The following ZNF749 variants were observed in gnomAD, a reference collection of about 807,000 sequenced individuals.
ZNF749 encodes zinc finger protein 749.
ZNF749 carries 8 observed loss-of-function variants against 7.3 expected under a neutral mutation model. That is an observed-to-expected ratio of 1.10 (90% CI 0.64 to 1.98). The LOEUF (loss-of-function observed/expected upper bound fraction) is 1.98, where lower values mean the gene tolerates loss of function less well. Ranked by LOEUF, ZNF749 falls within the 30% of genes most tolerant of loss-of-function variation. The probability of loss-of-function intolerance (pLI) is 0.00; values close to 1 mark genes in which losing one functional copy is unlikely to be tolerated. For synonymous variants in ZNF749, 310 were observed against 322.4 expected (o/e 0.96, Z 0.41); for missense variants, 898 against 932.4 (o/e 0.96, Z 0.48).
At chr19:57,438,725 T>A (rs2088959012) in intron 1 of ZNF749, among the ~76,000 whole-genome samples, 1 of 152,140 alleles carries the variant, frequency 6.6e-6, no homozygotes, top group South Asian at 2.1e-4. Flanking sequence ...TAGGGAAAGG[T>A]GGTGTCCTGA....
intron 1 of ZNF749, among the ~76,000 whole-genome samples, chr19:57,441,305 A>G (rs2088986682): frequency 6.6e-6 from 1 of 152,008 alleles, no homozygotes. Flanking sequence ...GAGGCTAAGC[A>G]GGGGATGGAT....
chr19:57,443,211 T>C (rs2089010771), intron 2 of ZNF749, 80 bp from the exon 3 acceptor site: 4 of 1,230,672 alleles, frequency 3.3e-6, no homozygotes. Flanking sequence ...TTTGTGGGTG[T>C]GTCTCACAGA....
intron 1 of ZNF749, among the ~76,000 whole-genome samples, chr19:57,440,982 C>T (rs563506555): frequency 8.6e-5 from 13 of 151,852 alleles, no homozygotes; most frequent in East Asian, 3.9e-4. Flanking sequence ...AAAAATTAGC[C>T]GGGAGTGGTG....
At position 57,445,233 on chromosome 19, in the gene ZNF749, T is replaced by C; in HGVS notation, c.2085T>C (p.Pro695=). The C allele has an allele frequency of 6.2e-7, 1 of 1,614,046 alleles. No homozygotes were observed. Among genetic ancestry groups the C allele is most frequent in the Middle Eastern group, 1.6e-4 (1 of 6,062 alleles). ...ATAAAGTTTGCACTGGGGAGAAGCC[T>C]CATGAGTGCAGTAAATGTAGGGAAT... ...KHHKVCTGEK[P]HECSKCRELF... Residue 695 remains proline (P), a synonymous_variant, in exon 3 of 3, where the codon CCT becomes CCC. Transcript: ENST00000334181.
At chr19:57,441,052 G>A (rs540735167) in intron 1 of ZNF749, among the ~76,000 whole-genome samples, 14 of 150,194 alleles carry the variant, frequency 9.3e-5, no homozygotes, top group Non-Finnish European at 1.8e-4. Flanking sequence ...CTTGAACCTG[G>A]GAGGCAGAAG....
At chr19:57,438,099 C>T (rs754673313) in intron 1 of ZNF749, 80 of 398,854 alleles carry the variant, frequency 2.0e-4, no homozygotes, top group Non-Finnish European at 1.4e-4. Context: ...CTTCCTGTTA[C>T]AGGCCGAAAG....
upstream of ZNF749, among the ~76,000 whole-genome samples, chr19:57,431,545 G>A (rs1486700603): frequency 6.6e-6 from 1 of 151,962 alleles, no homozygotes; most frequent in African/African-American, 2.4e-5. Flanking sequence ...CTTAGGCCTG[G>A]TTCTACAGCA....
chr19:57,443,357 A>G lies in ZNF749; in HGVS notation c.209A>G (p.Gln70Arg), dbSNP rs576029588. The change falls in exon 3 of 3, where the codon CAG becomes CGG. Residue 70 changes from glutamine to arginine, a missense_variant. Transcript: ENST00000334181. ...CAGTGTGTTTCTGTAAGAGTGTTAC[A>G]GGTCACAATTCCAAAGCCAGCTTTG... ...SKQCVSVRVL[Q>R]VTIPKPALST... The G allele has an allele frequency of 3.7e-6, 6 of 1,614,180 alleles. No homozygotes were observed. The East Asian group carries it at 1.3e-4, about 36-fold the overall frequency.
chr19:57,431,985 T>G (rs1486498507), upstream of ZNF749, among the ~76,000 whole-genome samples: 1 of 152,028 alleles, frequency 6.6e-6, no homozygotes, highest in Non-Finnish European at 1.5e-5. Context: ...TGGCCAATTT[T>G]GTATTTTTTA....
In ZNF749 at chr19:57,447,063, T is replaced by C. The variant is rs1456576624; in HGVS notation, c.*1578T>C. On this transcript the variant is annotated 3_prime_UTR_variant, in exon 3 of 3. Transcript: ENST00000334181. ...GTACACTTAGGCTACTCTAAATTAA[T>C]TTTTTCTTTAGTAATAAATTAACCT... Among the ~76,000 whole-genome samples the C allele has an allele frequency of 6.6e-6, 1 of 152,176 alleles. No homozygotes were observed. Among genetic ancestry groups the C allele is most frequent in the African/African-American group, 2.4e-5 (1 of 41,442 alleles).
rs745852876 is a variant in ZNF749 at position 57,443,679 on chromosome 19, G to T, written c.531G>T (p.Trp177Cys). 2 of 1,614,132 alleles carry T rather than the reference G, an allele frequency of 1.2e-6. No individual in the cohort carries two copies. Among genetic ancestry groups the T allele is most frequent in the Non-Finnish European group, 1.7e-6 (2 of 1,179,980 alleles). The change falls in exon 3 of 3, where the codon TGG (tryptophan) becomes TGT (cysteine). Residue 177 changes from tryptophan (W) to cysteine (C), a missense_variant. By Grantham distance (215) the Trp-to-Cys change is radical. Coordinates refer to ENST00000334181, the MANE Select transcript of ZNF749 (RefSeq NM_001023561.4). Reference sequence around the variant, plus strand: ...AGCAACAGGTCTTAAACAGTGGGTGGAAGCTGTACAGGGATACCCAGGATG... The same window carrying T: ...AGCAACAGGTCTTAAACAGTGGGTGTAAGCTGTACAGGGATACCCAGGATG... The part of the protein sequence containing the change: ...LLQQQVLNSG[W>C]KLYRDTQDGE...
At chr19:57,430,074 T>C in the ZNF749 span, among the ~76,000 whole-genome samples, 1 of 152,214 alleles carries the variant, frequency 6.6e-6, no homozygotes, top group African/African-American at 2.4e-5. Context: ...CTTTCATCAT[T>C]CAGGATTTAT....
In ZNF749 at chr19:57,435,470, G is replaced by C. The variant is rs2088924951; in HGVS notation, c.-109G>C. ...CGGTGTTCCTTCTACACAGAGGCTA[G>C]AGTGCGGATCGGCTGAGTCGGCTGC... On this transcript the variant is annotated 5_prime_UTR_variant, in exon 1 of 3. Transcript: ENST00000334181. 1.3e-6 allele frequency: 2 copies of C among 1,484,550 alleles called. No individual in the cohort carries two copies. Among genetic ancestry groups the C allele is most frequent in the South Asian group, 2.4e-5 (2 of 82,776 alleles). The allele number at this position is 1,484,550 out of a possible 1,614,324, so 92.0% of individuals were successfully genotyped here. A position where few individuals can be genotyped will look rare whatever the true frequency, so the allele number is the denominator to read the frequency against.
Position 57,443,782 on chromosome 19 carries a change from T to A in ZNF749, c.634T>A (p.Phe212Ile), listed in dbSNP as rs375698272. 6.2e-7 allele frequency: 1 copy of A among 1,614,134 alleles called. No individual in the cohort carries two copies. Reference sequence around the variant, plus strand: ...AGACTTTTGCCACCAACATGGGCTGTTTGAGCACCAAAAAACCCATAATGG... The same window carrying A: ...AGACTTTTGCCACCAACATGGGCTGATTGAGCACCAAAAAACCCATAATGG... ...GKDFCHQHGL[F>I]EHQKTHNGER... The change falls in exon 3 of 3, where the codon TTT becomes ATT. Residue 212 changes from phenylalanine to isoleucine, a missense_variant. Coordinates refer to ENST00000334181, the MANE Select transcript of ZNF749 (RefSeq NM_001023561.4).
rs759633937 is a variant in ZNF749 at position 57,444,966 on chromosome 19, C to G, written c.1818C>G (p.His606Gln). Residue 606 changes from histidine (H) to glutamine (Q), a missense_variant, in exon 3 of 3, where the codon CAC (histidine) becomes CAG (glutamine). His to Gln is a conservative substitution (Grantham distance 24). Coordinates refer to ENST00000334181, the MANE Select transcript of ZNF749 (RefSeq NM_001023561.4). The stretch of plus-strand genomic sequence containing the variant: ...AACTTGTTATTCATCAGAGAATTCA[C>G]ACTGGAGAAAAGCCTTATAAATGCA... ...SYKLVIHQRI[H>Q]TGEKPYKCSK... 6.2e-7 allele frequency: 1 copy of G among 1,614,066 alleles called. No individual in the cohort carries two copies. Among genetic ancestry groups the G allele is most frequent in the Admixed American group, 1.7e-5 (1 of 59,998 alleles).
At chr19:57,434,998 C>G (rs2088919189), upstream of ZNF749, among the ~76,000 whole-genome samples, 1 of 152,232 alleles carries the variant, frequency 6.6e-6, no homozygotes. Flanking sequence ...ATTTCTCAGA[C>G]TTGTCCTAGA....
chr19:57,433,095 G>A (rs915627257), upstream of ZNF749, among the ~76,000 whole-genome samples: 1 of 148,404 alleles, frequency 6.7e-6, no homozygotes, highest in East Asian at 2.0e-4. Context: ...CATGACTGGA[G>A]GCTATAGTCT....
Position 57,444,567 on chromosome 19 carries a change from C to G in ZNF749, c.1419C>G (p.His473Gln). 1 of 1,613,580 alleles carries G rather than the reference C, an allele frequency of 6.2e-7. No homozygotes were observed. The highest frequency in any genetic ancestry group is 8.5e-7 in the Non-Finnish European group (1 of 1,179,878). ...AFSKRSDLIQHKRIDIRPRPY... is the reference protein window; with the variant it reads ...AFSKRSDLIQQKRIDIRPRPY... Reference sequence around the variant, plus strand: ...CAAAAAGGTCTGACCTCATTCAACACAAGAGGATTGACATTAGGCCAAGGC... The same window carrying G: ...CAAAAAGGTCTGACCTCATTCAACAGAAGAGGATTGACATTAGGCCAAGGC... Residue 473 changes from histidine to glutamine, a missense_variant, in exon 3 of 3, where the codon CAC becomes CAG. Physicochemically the swap from His to Gln is conservative, Grantham distance 24. Transcript: ENST00000334181.
chr19:57,434,297 A>G (rs923742202), upstream of ZNF749, among the ~76,000 whole-genome samples: 1 of 152,066 alleles, frequency 6.6e-6, no homozygotes, highest in Non-Finnish European at 1.5e-5. Flanking sequence ...GGGTTTCTAC[A>G]TGTTGGTCAG....
Sources: allele counts gnomAD v4.1 joint callset (sites outside exome capture counted in the v4.1 genomes callset), GRCh38; gene constraint gnomAD v4.1.1; transcripts MANE v1.5; gene names NCBI Gene and HGNC (gene_info 2026-07-23, HGNC 2026-07-21).